Variants in ZSWIM8 observed in about 807,000 individuals in gnomAD.
ZSWIM8 encodes zinc finger SWIM-type containing 8.
A neutral mutation model predicts 173.7 loss-of-function variants in ZSWIM8; 27 were observed. That is an observed-to-expected ratio of 0.16 (90% CI 0.11 to 0.21). ZSWIM8 has a LOEUF of 0.21. Ranked by LOEUF, ZSWIM8 falls within the 10% of genes least tolerant of loss-of-function variation. The pLI is 1.00. For synonymous variants in ZSWIM8, 958 were observed against 962.0 expected (o/e 1.00, Z 0.08); for missense variants, 1,627 against 2,428.8 (o/e 0.67, Z 6.94).
rs2083722106 is a variant in ZSWIM8, at chr10:73,797,522, C to T, written c.3579C>T (p.Asp1193=). ...ACAGCATTAGCAGCTCTTCTTCGGA[C>T]TCCCTGGGCTCCTCATCCTCCAGTG... ...DSDSISSSSS[D]SLGSSSSSGS... The change falls in exon 18 of 26, where the codon GAC becomes GAT. Residue 1193 remains aspartate, a synonymous_variant. Coordinates refer to ENST00000604729, the MANE Select transcript of ZSWIM8 (RefSeq NM_001367799.1). This position sits in a 1 kb window ranked among gnomAD's most constrained non-coding sequence, Gnocchi z 5.6. 6.2e-7 allele frequency: 1 copy of T among 1,613,988 alleles called. No homozygotes were observed. Among genetic ancestry groups the T allele is most frequent in the Non-Finnish European group, 8.5e-7 (1 of 1,179,884 alleles).
rs760713143 is a variant in ZSWIM8 at position 73,793,591 on chromosome 10, C to T, written c.2317C>T (p.Leu773=). ...TGGTCCCATGTCCTCCTTCCAGGTA[C>T]TGTTTGCCTGTGCTGAGGCCCTGCA... The part of the protein sequence containing the change: ...PLEQESRMEV[L]FACAEALHAH... The change falls in exon 11 of 26, where the codon CTG becomes TTG. Residue 773 remains leucine, a synonymous_variant. Transcript: ENST00000604729. The T allele has an allele frequency of 1.6e-5, 26 of 1,589,040 alleles. No individual in the cohort carries two copies. In the South Asian group the frequency reaches 3.0e-4, roughly 18 times the overall value.
At chr10:73,796,350 TA>T (rs144915982) in intron 15 of ZSWIM8, 7,015 of 348,748 alleles carry the variant, frequency 0.02, no homozygotes, top group South Asian at 0.03. Flanking sequence ...CCCTGTCTCT[TA>T]AAAAAAAAAG....
chr10:73,800,195 G>A lies in ZSWIM8; in HGVS notation c.4825+25G>A. On this transcript the variant is annotated intron_variant, in intron 22 of 25. Transcript: ENST00000604729. The surrounding 1 kb of genome is among the most constrained non-coding windows in gnomAD (Gnocchi z 4.1). ...TGTGAGTTGTGGGGCCAGGGAACAG[G>A]TGAATGGAGGGGAGGCACACTGGGC... 6.2e-7 allele frequency: 1 copy of A among 1,613,316 alleles called. No homozygotes were observed. The highest frequency in any genetic ancestry group is 8.5e-7 in the Non-Finnish European group (1 of 1,179,656).
Position 73,791,800 on chromosome 10 carries a change from C to T in ZSWIM8, c.1320-59C>T. ...TGCCTCTCTTTGGGGTGTACACCTACTCCATGCCCATCCTTTCCCAGTAGC... is the reference window on the plus strand; with the variant it reads ...TGCCTCTCTTTGGGGTGTACACCTATTCCATGCCCATCCTTTCCCAGTAGC... On this transcript the variant is annotated intron_variant, in intron 9 of 25. Transcript: ENST00000604729. This position sits in a 1 kb window ranked among gnomAD's most constrained non-coding sequence, Gnocchi z 6.0. 6.8e-7 allele frequency: 1 copy of T among 1,466,948 alleles called. No homozygotes were observed. 90.9% of individuals were successfully genotyped at this position (1,466,948 alleles called of 1,614,324 possible). A position where few individuals can be genotyped will look rare whatever the true frequency, so the allele number is the denominator to read the frequency against.
chr10:73,786,419 C>T (rs1397372525), intron 1 of ZSWIM8: 4 of 292,662 alleles, frequency 1.4e-5, no homozygotes, highest in South Asian at 2.6e-4. Flanking sequence ...CACTCCTTTG[C>T]CTTAGAGAGG....
intron 1 of ZSWIM8, chr10:73,786,402 C>CT: frequency 3.1e-6 from 1 of 326,230 alleles, no homozygotes; most frequent in Admixed American, 4.9e-5. Context: ...GAAAGTAAAT[C>CT]TTTCGTCACT....
Position 73,792,462 on chromosome 10 carries a change from T to C in ZSWIM8, c.1923T>C (p.Pro641=). The C allele has an allele frequency of 6.2e-7, 1 of 1,609,602 alleles. No homozygotes were observed. The highest frequency in any genetic ancestry group is 8.5e-7 in the Non-Finnish European group (1 of 1,177,902). The change falls in exon 10 of 26, where the codon CCT becomes CCC. Residue 641 remains proline (P), a synonymous_variant. Transcript: ENST00000604729. This position sits in a 1 kb window ranked among gnomAD's most constrained non-coding sequence, Gnocchi z 4.3. ...GAEASTFGGF[P]ESPPPCPLHG... is the part of the protein sequence containing the mutation. ...AGGCCAGCACCTTCGGGGGATTCCC[T>C]GAGAGCCCTCCACCCTGTCCTCTCC...
chr10:73,790,082 G>A, intron 6 of ZSWIM8, 45 bp downstream of exon 6: 1 of 1,609,802 alleles, frequency 6.2e-7, no homozygotes, highest in Non-Finnish European at 8.5e-7. Flanking sequence ...AAGCCAGCTT[G>A]TAGTACAGAG....
rs905229892 is a variant in ZSWIM8 at position 73,785,828 on chromosome 10, C to T, written c.-51C>T. 3.4e-6 allele frequency: 5 copies of T among 1,461,256 alleles called. No individual in the cohort carries two copies. The highest frequency in any genetic ancestry group is 3.6e-6 in the Non-Finnish European group (4 of 1,104,904). 90.5% of individuals were successfully genotyped at this position (1,461,256 alleles called of 1,614,324 possible). ...CTCCCCTCAACCCCCGGCCGGCGGC[C>T]CAGGCCCCGGATCCGCGGGGGGGGA... On this transcript the variant is annotated 5_prime_UTR_variant, in exon 1 of 26. Transcript: ENST00000604729.
Position 73,794,571 on chromosome 10 carries a change from G to A in ZSWIM8, c.2840G>A (p.Ser947Asn), listed in dbSNP as rs2083542970. The A allele has an allele frequency of 6.4e-7, 1 of 1,560,826 alleles. No homozygotes were observed. Among genetic ancestry groups the A allele is most frequent in the South Asian group, 1.2e-5 (1 of 84,904 alleles). The change falls in exon 14 of 26, where the codon AGT becomes AAT. Residue 947 changes from serine (S) to asparagine (N), a missense_variant. Ser to Asn is a conservative substitution (Grantham distance 46). This residue lies in a region of ZSWIM8 where 169 missense variants were observed against 235.3 expected (regional missense o/e 0.72). Coordinates refer to ENST00000604729, the MANE Select transcript of ZSWIM8 (RefSeq NM_001367799.1). ...VVSPTGSRPP[S>N]RNWNSETPGD... ...TCTCCCACAGGTTCCCGGCCCCCAAGTCGCAACTGGAACAGCGAGACACCT... is the reference window on the plus strand; with the variant it reads ...TCTCCCACAGGTTCCCGGCCCCCAAATCGCAACTGGAACAGCGAGACACCT...
At chr10:73,790,357 G>C in intron 7 of ZSWIM8, 65 bp downstream of exon 7, 1 of 1,534,146 alleles carries the variant, frequency 6.5e-7, no homozygotes, top group Non-Finnish European at 8.8e-7. Context: ...GCTGATGACA[G>C]ATCCTTTCTT....
In ZSWIM8 at chr10:73,789,794, T is replaced by C; in HGVS notation, c.708T>C (p.Ala236=). Residue 236 remains alanine (A), a synonymous_variant, in exon 5 of 26, where the codon GCT becomes GCC. Transcript: ENST00000604729. This position sits in a 1 kb window ranked among gnomAD's most constrained non-coding sequence, Gnocchi z 6.8. The part of the protein sequence containing the change: ...RLQRDQLQKF[A]QYLISELPQQ... Reference sequence around the variant, plus strand: ...AGAGGGACCAGCTGCAAAAGTTTGCTCAGTACCTCATCAGTGAGCTCCCTC... The same window carrying C: ...AGAGGGACCAGCTGCAAAAGTTTGCCCAGTACCTCATCAGTGAGCTCCCTC... 6.2e-7 allele frequency: 1 copy of C among 1,609,746 alleles called. No homozygotes were observed. Among genetic ancestry groups the C allele is most frequent in the Non-Finnish European group, 8.5e-7 (1 of 1,178,140 alleles).
At position 73,795,670 on chromosome 10, in the gene ZSWIM8, G is replaced by T. The variant is rs1397189728; in HGVS notation, c.3033+7G>T. On this transcript the variant is annotated splice_region_variant and intron_variant, in intron 15 of 25. Transcript: ENST00000604729. Reference sequence around the variant, plus strand: ...CCAGGCCAAGCTTAAGAAGGTAAGAGACTGGGGCTGGGTGCGGTGGCTCAT... The same window carrying T: ...CCAGGCCAAGCTTAAGAAGGTAAGATACTGGGGCTGGGTGCGGTGGCTCAT... 1.9e-6 allele frequency: 3 copies of T among 1,610,734 alleles called. No individual in the cohort carries two copies. The highest frequency in any genetic ancestry group is 2.7e-5 in the African/African-American group (2 of 75,042).
Position 73,794,308 on chromosome 10 carries a change from C to T in ZSWIM8, c.2787C>T (p.Ile929=). Residue 929 remains isoleucine (I), a synonymous_variant, in exon 13 of 26, where the codon ATC becomes ATT. Coordinates refer to ENST00000604729, the MANE Select transcript of ZSWIM8 (RefSeq NM_001367799.1). ...TGCCTCTCATGCTGGCCAGTTTCAT[C>T]TTTGACGTTCTCTGTGCTCCAGGTA... ...PVLPLMLASF[I]FDVLCAPVVS... 1.9e-6 allele frequency: 3 copies of T among 1,613,934 alleles called. No individual in the cohort carries two copies. The highest frequency in any genetic ancestry group is 2.5e-6 in the Non-Finnish European group (3 of 1,179,842).
chr10:73,794,355 G>A (rs1476554926), intron 13 of ZSWIM8, 25 bp downstream of exon 13: 2 of 1,609,634 alleles, frequency 1.2e-6, no homozygotes, highest in Admixed American at 1.7e-5. Context: ...CCTACAGTAA[G>A]TGGGGAACTG....
intron 14 of ZSWIM8, chr10:73,795,087 G>T: frequency 5.9e-6 from 1 of 170,518 alleles, no homozygotes; most frequent in South Asian, 1.3e-4. Context: ...CTGGGCAACA[G>T]AGTGAAACCT....
At chr10:73,796,592 TG>T in intron 15 of ZSWIM8, 181 bp from the exon 16 acceptor site, 1 of 728,348 alleles carries the variant, frequency 1.4e-6, no homozygotes, top group Non-Finnish European at 2.2e-6. Flanking sequence ...CAAGATATGT[TG>T]GGGTTAAATA....
rs750743746 is a variant in ZSWIM8, at chr10:73,797,272, GTAGGA to G, written c.3433+5_3433+9del. ...GGACGGCCTAAGAAGAAGCACACAG[GTAGGA>G]TAGCCTGTGGGCTAGCATAGAGGGA... is the stretch of plus-strand genomic sequence containing the variant. On this transcript the variant is annotated splice_donor_variant and splice_donor_5th_base_variant and intron_variant, in intron 17 of 25. Transcript: ENST00000604729. LOFTEE classifies it high-confidence loss of function. The surrounding 1 kb of genome is among the most constrained non-coding windows in gnomAD (Gnocchi z 5.6). The G allele has an allele frequency of 2.5e-6, 4 of 1,613,856 alleles. No homozygotes were observed. In the South Asian group the frequency reaches 4.4e-5, roughly 18 times the overall value.
Position 73,791,443 on chromosome 10 carries a change from C to T in ZSWIM8, c.1263C>T (p.Asp421=), listed in dbSNP as rs1330735135. The change falls in exon 9 of 26, where the codon GAC becomes GAT. Residue 421 remains aspartate, a synonymous_variant. Transcript: ENST00000604729. The surrounding 1 kb of genome is among the most constrained non-coding windows in gnomAD (Gnocchi z 6.0). The part of the protein sequence containing the change: ...VAAHACASMC[D]EMVTLWRLAV... ...CCCATGCCTGTGCCAGCATGTGTGA[C>T]GAGATGGTCACACTGTGGAGGCTGG... The T allele has an allele frequency of 1.4e-5, 23 of 1,613,460 alleles. No individual in the cohort carries two copies. Among genetic ancestry groups the T allele is most frequent in the Middle Eastern group, 1.6e-4 (1 of 6,082 alleles).
Sources: allele counts gnomAD v4.1 joint callset, GRCh38; gene constraint gnomAD v4.1.1; regional missense constraint gnomAD v4.1.1; non-coding constraint Gnocchi (gnomAD v3.1); transcripts MANE v1.5; gene names NCBI Gene and HGNC (gene_info 2026-07-23, HGNC 2026-07-21).